The following MTRR variants were observed in gnomAD, a reference collection of about 807,000 sequenced individuals.
The protein encoded by MTRR is 5-methyltetrahydrofolate-homocysteine methyltransferase reductase, also known as methionine synthase reductase.
MTRR carries 63 observed loss-of-function variants against 79.2 expected under a neutral mutation model. That is an observed-to-expected ratio of 0.80 (90% CI 0.65 to 0.98). The LOEUF (loss-of-function observed/expected upper bound fraction) is 0.98, where lower values mean the gene tolerates loss of function less well. MTRR is among the 50% of genes least tolerant of loss of function. MTRR has a pLI of 0.00. For synonymous variants in MTRR, 355 were observed against 313.3 expected (o/e 1.13, Z -1.41); for missense variants, 895 against 839.6 (o/e 1.07, Z -0.82).
At chr5:7,867,655 C>A, upstream of MTRR, 1 of 1,614,204 alleles carries the variant, frequency 6.2e-7, no homozygotes, top group Non-Finnish European at 8.5e-7. Flanking sequence ...GATCACCATC[C>A]TTTTTTTCCA....
upstream of MTRR, chr5:7,866,878 T>C: frequency 6.2e-7 from 1 of 1,613,986 alleles, no homozygotes; most frequent in Non-Finnish European, 8.5e-7. Context: ...GAGGTGAAAA[T>C]TTTTCTGTTT....
Position 7,897,938 on chromosome 5 carries a change from G to A in MTRR, c.1952+691G>A, listed in dbSNP as rs10475398. ...GGTTCTTTTTTTTTTCAACTGTAAT[G>A]TAGAAGACAAAATACTGGCATCGTG... On this transcript the variant is annotated intron_variant, in intron 14 of 14. Transcript: ENST00000440940. 4.0e-3 allele frequency among the ~76,000 whole-genome samples: 607 copies of A among 151,460 alleles called. 9 individuals are homozygous for A. Among genetic ancestry groups the A allele is most frequent in the African/African-American group, 0.014 (567 of 41,274 alleles).
rs147475536 is a variant in MTRR at position 7,875,224 on chromosome 5, T to C, written c.284-34T>C. On this transcript the variant is annotated intron_variant, in intron 3 of 14. Transcript: ENST00000440940. The stretch of plus-strand genomic sequence containing the variant: ...TCTTTGTGTCCTTAAATTTAAACTT[T>C]ATTGTGCATTAATTATGTATTTGGG... The C allele has an allele frequency of 6.0e-4, 836 of 1,390,046 alleles. 6 individuals carry two copies. In the African/African-American group the frequency reaches 0.011, roughly 18 times the overall value. 86.1% of individuals were successfully genotyped at this position (1,390,046 alleles called of 1,614,324 possible). A position where few individuals can be genotyped will look rare whatever the true frequency, so the allele number is the denominator to read the frequency against.
chr5:7,899,688 T>C (rs940717990), intron 14 of MTRR, among the ~76,000 whole-genome samples: 2 of 152,106 alleles, frequency 1.3e-5, no homozygotes, highest in Non-Finnish European at 2.9e-5. Context: ...CTGTGGAGGA[T>C]TGGGAGCTGT....
At chr5:7,890,534 G>A (rs1267828926) in intron 9 of MTRR, 9 of 443,040 alleles carry the variant, frequency 2.0e-5, no homozygotes, top group African/African-American at 1.1e-4. Context: ...ACCACATTAC[G>A]TAGTTATATA....
At chr5:7,855,414 C>T (rs1283304779) in intron 1 of MTRR, among the ~76,000 whole-genome samples, 2 of 52,954 alleles carry the variant, frequency 3.8e-5, no homozygotes, top group Non-Finnish European at 3.6e-5. Flanking sequence ...TAGAAACATT[C>T]CAGTGGAAAA....
At chr5:7,867,831 A>G, upstream of MTRR, 2 of 1,614,198 alleles carry the variant, frequency 1.2e-6, no homozygotes, top group Non-Finnish European at 1.7e-6. Context: ...TCGCAGTCAG[A>G]TACTTGAGAG....
Position 7,886,668 on chromosome 5 carries a change from A to T in MTRR, c.1111A>T (p.Thr371Ser). The T allele has an allele frequency of 6.2e-7, 1 of 1,613,842 alleles. No homozygotes were observed. Among genetic ancestry groups the T allele is most frequent in the Non-Finnish European group, 8.5e-7 (1 of 1,179,844 alleles). ...PAGCSLQFIF[T>S]WCLEIRAIPK... ...GGGATGTTCTCTCCAGTTCATTTTTACCTGGTGTCTTGAAATCCGAGCAAT... is the reference window on the plus strand; with the variant it reads ...GGGATGTTCTCTCCAGTTCATTTTTTCCTGGTGTCTTGAAATCCGAGCAAT... The change falls in exon 8 of 15, where the codon ACC becomes TCC. Residue 371 changes from threonine (T) to serine (S), a missense_variant. Transcript: ENST00000440940.
At chr5:7,878,420 C>A in intron 5 of MTRR, 98 bp downstream of exon 5, 2 of 1,481,808 alleles carry the variant, frequency 1.3e-6, no homozygotes, top group Non-Finnish European at 1.9e-6. Context: ...GGTCAACAAA[C>A]TATGGCTTAC....
chr5:7,871,622 C>T (rs1748015392), intron 2 of MTRR, among the ~76,000 whole-genome samples: 1 of 152,214 alleles, frequency 6.6e-6, no homozygotes, highest in African/African-American at 2.4e-5. Flanking sequence ...GACTGTCCTG[C>T]CAGTGCTCTC....
At chr5:7,864,923 G>C (rs756923202), upstream of MTRR, among the ~76,000 whole-genome samples, 3 of 152,026 alleles carry the variant, frequency 2.0e-5, no homozygotes, top group Non-Finnish European at 4.4e-5. Flanking sequence ...GGATTTGCAA[G>C]AATGTTTATT....
At chr5:7,867,248 T>G, upstream of MTRR, 1 of 1,614,018 alleles carries the variant, frequency 6.2e-7, no homozygotes, top group Non-Finnish European at 8.5e-7. Flanking sequence ...GTTGTTTATC[T>G]TATTTAAAAA....
rs1337565844 is a variant in MTRR, at chr5:7,873,467, A to C, written c.224A>C (p.Glu75Ala). The C allele has an allele frequency of 6.2e-7, 1 of 1,614,168 alleles. No individual in the cohort carries two copies. The highest frequency in any genetic ancestry group is 8.5e-7 in the Non-Finnish European group (1 of 1,180,024). The stretch of plus-strand genomic sequence containing the variant: ...GACACAGCCCGCAAGTTTGTTAAGG[A>C]AATACAGAACCAAACACTGCCGGTT... ...PPDTARKFVK[E>A]IQNQTLPVDF... Residue 75 changes from glutamate (E) to alanine (A), a missense_variant, in exon 3 of 15, where the codon GAA becomes GCA. By Grantham distance (107) the Glu-to-Ala change is moderately radical. Coordinates refer to ENST00000440940, the MANE Select transcript of MTRR (RefSeq NM_002454.3).
upstream of MTRR, chr5:7,869,000 T>C: frequency 9.7e-7 from 1 of 1,030,308 alleles, no homozygotes. Context: ...GGGCAATCAC[T>C]CCGGGTGGTC....
chr5:7,887,035 GTTGACC>G (rs1736607131), intron 8 of MTRR, among the ~76,000 whole-genome samples: 1 of 152,164 alleles, frequency 6.6e-6, no homozygotes, highest in Non-Finnish European at 1.5e-5. Flanking sequence ...GGTGACTGCA[GTTGACC>G]TTGTGTTACC....
At chr5:7,898,633 A>C (rs954712295) in intron 14 of MTRR, among the ~76,000 whole-genome samples, 16 of 152,150 alleles carry the variant, frequency 1.1e-4, no homozygotes, top group African/African-American at 3.1e-4. Flanking sequence ...TGTACTGCTG[A>C]TGAGTCAAAT....
At chr5:7,859,480 T>TACAA in intron 1 of MTRR, 1 of 1,607,380 alleles carries the variant, frequency 6.2e-7, no homozygotes, top group South Asian at 1.1e-5. Flanking sequence ...ACAGTTTTCT[T>TACAA]TGTAAATATT....
chr5:7,874,119 CTGACTTAGGACTCTG>C (rs904411045), intron 3 of MTRR, among the ~76,000 whole-genome samples: 93 of 152,290 alleles, frequency 6.1e-4, no homozygotes, highest in African/African-American at 2.2e-3. Context: ...TTAAGAAAAA[CTGACTTAGGACTCTG>C]TGAACCATAG....
intron 1 of MTRR, among the ~76,000 whole-genome samples, chr5:7,860,963 A>G (rs975422057): frequency 1.3e-5 from 2 of 152,190 alleles, no homozygotes; most frequent in African/African-American, 2.4e-5. Context: ...TGTTCTTCCT[A>G]TAAAAGCCTC....
Sources: allele counts gnomAD v4.1 joint callset (sites outside exome capture counted in the v4.1 genomes callset), GRCh38; gene constraint gnomAD v4.1.1; transcripts MANE v1.5; gene names NCBI Gene and HGNC (gene_info 2026-07-23, HGNC 2026-07-21).